Variants in OPCML observed in about 807,000 individuals in gnomAD.
The protein encoded by OPCML is opioid binding protein/cell adhesion molecule like.
In OPCML, 13 loss-of-function variants were observed where a neutral mutation model predicts 37.8. The observed-to-expected ratio is 0.34, with a 90% CI of 0.22 to 0.55. The LOEUF (loss-of-function observed/expected upper bound fraction) is 0.55. OPCML is among the 20% of genes least tolerant of loss of function. The pLI, the probability that OPCML is intolerant of heterozygous loss-of-function variation, is 0.91. For synonymous variants in OPCML, 176 were observed against 168.8 expected (o/e 1.04, Z -0.33); for missense variants, 341 against 435.6 (o/e 0.78, Z 1.93).
chr11:132,694,189 T>C lies in OPCML; in HGVS notation c.147-36870A>G, dbSNP rs1352728075. Among the ~76,000 whole-genome samples the C allele has an allele frequency of 3.2e-4, 10 of 31,540 alleles. No homozygotes were observed. The South Asian group carries it at 8.6e-3, about 27-fold the overall frequency. 20.7% of individuals were successfully genotyped at this position (31,540 alleles called of 152,430 possible). A position where few individuals can be genotyped will look rare whatever the true frequency, so the allele number is the denominator to read the frequency against. ...CTGTGAAATCAATGTCTTTTTTTTT[T>C]TTTTTTTTTTTTTTTTTTTTTTTTT... is the stretch of plus-strand genomic sequence containing the variant. On this transcript the variant is annotated intron_variant, in intron 2 of 7. Coordinates refer to ENST00000524381, the MANE Select transcript of OPCML (RefSeq NM_001012393.5).
chr11:132,932,712 T>TAC lies in OPCML; in HGVS notation c.146+10212_146+10213dup, dbSNP rs1299545847. Reference sequence around the variant, plus strand: ...TATATTATATATATATATATATATATACAAATGCTGCATGGATAAATATAT... The same window carrying TAC: ...TATATTATATATATATATATATATATACACAAATGCTGCATGGATAAATATAT... On this transcript the variant is annotated intron_variant, in intron 2 of 7. Transcript: ENST00000524381. Among the ~76,000 whole-genome samples the TAC allele has an allele frequency of 1.4e-4, 20 of 144,048 alleles. No homozygotes were observed. In the East Asian group the frequency reaches 3.0e-3, roughly 22 times the overall value. 94.5% of individuals were successfully genotyped at this position (144,048 alleles called of 152,430 possible).
intron 1 of OPCML, among the ~76,000 whole-genome samples, chr11:133,076,289 C>A (rs576775052): frequency 1.3e-5 from 2 of 152,224 alleles, no homozygotes; most frequent in Non-Finnish European, 2.9e-5. Flanking sequence ...AGTTTGTCCC[C>A]CTTCCCTATT....
At chr11:132,554,875 T>TTTTTG (rs1294191715) in intron 3 of OPCML, among the ~76,000 whole-genome samples, 3 of 133,904 alleles carry the variant, frequency 2.2e-5, no homozygotes, top group African/African-American at 8.4e-5. Context: ...TTTTTTTTTT[T>TTTTTG]TTTTTTTTTT....
At chr11:133,278,514 C>T (rs1026349503) in intron 1 of OPCML, among the ~76,000 whole-genome samples, 1 of 151,998 alleles carries the variant, frequency 6.6e-6, no homozygotes, top group Admixed American at 6.5e-5. Flanking sequence ...TCTCTCATTA[C>T]GTTCTTATGA....
intron 1 of OPCML, among the ~76,000 whole-genome samples, chr11:133,214,075 T>A (rs575995128): frequency 2.0e-5 from 3 of 152,186 alleles, no homozygotes; most frequent in African/African-American, 7.2e-5. Flanking sequence ...TTCCTTGAAA[T>A]AAAGGATGAA....
At chr11:133,110,206 A>G (rs141876028) in intron 1 of OPCML, among the ~76,000 whole-genome samples, 162 of 152,338 alleles carry the variant, frequency 1.1e-3, no homozygotes, top group African/African-American at 3.7e-3. Context: ...TAAAATAAAA[A>G]TGGTAAATTT....
chr11:132,484,884 C>G (rs2096194328), intron 4 of OPCML, among the ~76,000 whole-genome samples: 1 of 152,160 alleles, frequency 6.6e-6, no homozygotes, highest in Non-Finnish European at 1.5e-5. Flanking sequence ...CACATGGACA[C>G]AGGAAGGGGA....
At position 133,513,562 on chromosome 11, in the gene OPCML, C is replaced by T. The variant is rs1262818584; in HGVS notation, c.61+18702G>A. On this transcript the variant is annotated intron_variant, in intron 1 of 7. Transcript: ENST00000524381. ...GCAGAGCTAGTTTCTTCCTTCCTTG[C>T]GCTTCCATAGGATTGTTTATGCAAA... 5.3e-5 allele frequency among the ~76,000 whole-genome samples: 8 copies of T among 152,178 alleles called. No homozygotes were observed. In the South Asian group the frequency reaches 6.2e-4, roughly 12 times the overall value.
At chr11:133,003,812 A>G (rs1384941687) in intron 1 of OPCML, 6 of 985,308 alleles carry the variant, frequency 6.1e-6, no homozygotes, top group African/African-American at 1.7e-5. Context: ...CCAACACACA[A>G]TTTCTCCAAA....
intron 1 of OPCML, among the ~76,000 whole-genome samples, chr11:133,220,824 CG>C (rs1297402308): frequency 6.6e-6 from 1 of 152,214 alleles, no homozygotes; most frequent in African/African-American, 2.4e-5. Flanking sequence ...AACAGCCCCC[CG>C]ATCTATAGCC....
At chr11:133,374,392 A>G (rs1944751546) in intron 1 of OPCML, among the ~76,000 whole-genome samples, 1 of 152,212 alleles carries the variant, frequency 6.6e-6, no homozygotes, top group African/African-American at 2.4e-5. Context: ...GGAATAATGG[A>G]TATCTTCACT....
intron 1 of OPCML, among the ~76,000 whole-genome samples, chr11:133,244,343 G>A (rs921573850): frequency 7.2e-5 from 11 of 151,958 alleles, no homozygotes; most frequent in Admixed American, 5.9e-4. Flanking sequence ...CAAACACTAA[G>A]AGCAATGCTC....
chr11:132,612,309 C>T (rs1327912813), intron 3 of OPCML, among the ~76,000 whole-genome samples: 2 of 152,258 alleles, frequency 1.3e-5, no homozygotes, highest in East Asian at 3.9e-4. Context: ...CAATAATGAA[C>T]ATGCACTTAT....
In OPCML at chr11:132,756,883, A is replaced by T. The variant is rs544479177; in HGVS notation, c.147-99564T>A. ...GCCATGGTGGTTTGCTGCACCCATC[A>T]ACCCATCATCTACATTGGGTATTTC... On this transcript the variant is annotated intron_variant, in intron 2 of 7. Transcript: ENST00000524381. Among the ~76,000 whole-genome samples the T allele has an allele frequency of 5.3e-5, 8 of 152,216 alleles. No individual in the cohort carries two copies. In the South Asian group the frequency reaches 1.7e-3, roughly 32 times the overall value.
intron 2 of OPCML, among the ~76,000 whole-genome samples, chr11:132,747,755 C>T (rs1945685159): frequency 1.3e-5 from 2 of 152,126 alleles, no homozygotes; most frequent in African/African-American, 4.8e-5. Context: ...GAAAGAGTTG[C>T]TGGTTTTGTT....
At chr11:132,884,327 G>A (rs1016103543) in intron 2 of OPCML, among the ~76,000 whole-genome samples, 2 of 152,172 alleles carry the variant, frequency 1.3e-5, no homozygotes, top group Admixed American at 1.3e-4. Flanking sequence ...TGAGGAGCAG[G>A]TATCAAAAAT....
At position 133,070,590 on chromosome 11, in the gene OPCML, C is replaced by T. The variant is rs78660467; in HGVS notation, c.62-127580G>A. On this transcript the variant is annotated intron_variant, in intron 1 of 7. Coordinates refer to ENST00000524381, the MANE Select transcript of OPCML (RefSeq NM_001012393.5). Reference sequence around the variant, plus strand: ...GAGCCTATGAAGAGAGGTAACGCAACGGTGTGGCTAATTCCAAAGAAGGTG... The same window carrying T: ...GAGCCTATGAAGAGAGGTAACGCAATGGTGTGGCTAATTCCAAAGAAGGTG... 5.5e-3 allele frequency among the ~76,000 whole-genome samples: 840 copies of T among 152,266 alleles called. 5 individuals are homozygous for T. The highest frequency in any genetic ancestry group is 0.034 in the Middle Eastern group (10 of 294).
At position 132,943,210 on chromosome 11, in the gene OPCML, G is replaced by A; in HGVS notation, c.62-200C>T. ...GGAGGGAAGGGGCAGAGTTCGCCAG[G>A]AGCAGGGGGAAGGAGAAGAGAGGAG... is the stretch of plus-strand genomic sequence containing the variant. On this transcript the variant is annotated intron_variant, in intron 1 of 7. Transcript: ENST00000524381. The surrounding 1 kb of genome is among the most constrained non-coding windows in gnomAD (Gnocchi z 4.3). The A allele has an allele frequency of 6.7e-7, 1 of 1,482,756 alleles. No individual in the cohort carries two copies. The highest frequency in any genetic ancestry group is 2.3e-5 in the East Asian group (1 of 42,706). The allele number at this position is 1,482,756 out of a possible 1,614,324, so 91.8% of individuals were successfully genotyped here.
intron 1 of OPCML, among the ~76,000 whole-genome samples, chr11:133,330,891 T>C (rs549135380): frequency 6.6e-6 from 1 of 152,338 alleles, no homozygotes; most frequent in African/African-American, 2.4e-5. Flanking sequence ...GGTAAACTTA[T>C]TTATATTTTC....
Sources: allele counts gnomAD v4.1 joint callset (sites outside exome capture counted in the v4.1 genomes callset), GRCh38; gene constraint gnomAD v4.1.1; non-coding constraint Gnocchi (gnomAD v3.1); transcripts MANE v1.5; gene names NCBI Gene and HGNC (gene_info 2026-07-23, HGNC 2026-07-21).